Variants in INPP4B observed in about 807,000 individuals in gnomAD.
INPP4B encodes inositol polyphosphate 4-phosphatase type II.
Under a neutral mutation model 122.5 loss-of-function variants are expected in INPP4B, and 55 were observed. The observed-to-expected ratio is 0.45, with a 90% confidence interval of 0.36 to 0.56. INPP4B has a LOEUF of 0.56. Among genes scored for constraint, INPP4B ranks in the 20% least tolerant of loss-of-function variants. The probability of loss-of-function intolerance (pLI) is 0.00; values close to 1 mark genes in which losing one functional copy is unlikely to be tolerated. For synonymous variants in INPP4B, 403 were observed against 388.7 expected (o/e 1.04, Z -0.43); for missense variants, 1,000 against 1,097.7 (o/e 0.91, Z 1.26).
In INPP4B at chr4:142,185,736, G is replaced by A. The variant is rs565590043; in HGVS notation, c.1181+7351C>T. ...CTACTAAAAATACAAAAAATTAGCC[G>A]CGCGTGGTGGCAGGTGCCTGTAGTC... On this transcript the variant is annotated intron_variant, in intron 15 of 25. Coordinates refer to ENST00000262992, the MANE Select transcript of INPP4B (RefSeq NM_001101669.3). Among the ~76,000 whole-genome samples, 9 of 151,656 alleles carry A rather than the reference G, an allele frequency of 5.9e-5. No homozygotes were observed. The East Asian group carries it at 1.2e-3, about 20-fold the overall frequency.
chr4:142,533,467 A>T (rs887756276), intron 2 of INPP4B, among the ~76,000 whole-genome samples: 3 of 151,168 alleles, frequency 2.0e-5, no homozygotes, highest in Non-Finnish European at 3.0e-5. Flanking sequence ...AAAAATATTT[A>T]TTTTTTTTTT....
chr4:142,315,142 T>C (rs1427690916), intron 7 of INPP4B, among the ~76,000 whole-genome samples: 1 of 152,134 alleles, frequency 6.6e-6, no homozygotes, highest in Admixed American at 6.5e-5. Flanking sequence ...AAATGATAAA[T>C]GTTTGAAATT....
intron 18 of INPP4B, among the ~76,000 whole-genome samples, chr4:142,144,930 AAAAG>A (rs1217199164): frequency 4.6e-5 from 7 of 152,024 alleles, no homozygotes; most frequent in African/African-American, 1.4e-4. Context: ...TTTTTAAAGT[AAAAG>A]AAAGAACAGA....
At chr4:142,230,829 A>G (rs1854016189) in intron 12 of INPP4B, among the ~76,000 whole-genome samples, 2 of 152,180 alleles carry the variant, frequency 1.3e-5, no homozygotes, top group Non-Finnish European at 2.9e-5. Context: ...TGGCTGCAGG[A>G]GCAAAGAATC....
At chr4:142,424,971 C>A (rs1303102257) in intron 5 of INPP4B, among the ~76,000 whole-genome samples, 1 of 151,816 alleles carries the variant, frequency 6.6e-6, no homozygotes, top group African/African-American at 2.4e-5. Context: ...TTAGAGAAAA[C>A]CAAGAAATAA....
At chr4:142,528,087 A>G (rs938835534) in intron 2 of INPP4B, among the ~76,000 whole-genome samples, 2 of 152,044 alleles carry the variant, frequency 1.3e-5, no homozygotes, top group African/African-American at 4.8e-5. Context: ...GCCCTTAAAC[A>G]CACATTTTAC....
intron 25 of INPP4B, among the ~76,000 whole-genome samples, chr4:142,053,035 C>T (rs138980929): frequency 6.6e-6 from 1 of 152,136 alleles, no homozygotes; most frequent in East Asian, 1.9e-4. Context: ...CAGTGACATT[C>T]AAGCATAGAC....
At chr4:142,119,716 G>A (rs142324537) in intron 21 of INPP4B, among the ~76,000 whole-genome samples, 1,582 of 151,270 alleles carry the variant, frequency 0.01, 30 homozygotes, top group African/African-American at 0.037. Context: ...TTATGGGTGC[G>A]GCACACCAAC....
intron 3 of INPP4B, among the ~76,000 whole-genome samples, chr4:142,438,766 C>T (rs1022597038): frequency 2.6e-5 from 4 of 152,102 alleles, no homozygotes; most frequent in Non-Finnish European, 5.9e-5. Context: ...GAATAGGCAA[C>T]CTACAGAATG....
chr4:142,262,034 A>G (rs1299721350), intron 10 of INPP4B, among the ~76,000 whole-genome samples: 1 of 152,198 alleles, frequency 6.6e-6, no homozygotes, highest in East Asian at 1.9e-4. Context: ...TTGGAAATGC[A>G]CTTCCTAAAT....
At position 142,442,351 on chromosome 4, in the gene INPP4B, G is replaced by T. The variant is rs536039761; in HGVS notation, c.-126-10966C>A. On this transcript the variant is annotated intron_variant, in intron 3 of 25. Coordinates refer to ENST00000262992, the MANE Select transcript of INPP4B (RefSeq NM_001101669.3). ...TGCTTGAACCCGGGAGGCGGAGGTT[G>T]CAGTGAGCCAAGATCATGCCACTGC... Among the ~76,000 whole-genome samples the T allele has an allele frequency of 2.3e-4, 33 of 142,228 alleles. No individual in the cohort carries two copies. The South Asian group carries it at 5.6e-3, about 24-fold the overall frequency. 93.3% of individuals were successfully genotyped at this position (142,228 alleles called of 152,430 possible).
chr4:142,556,211 G>A (rs1318845994), intron 2 of INPP4B, among the ~76,000 whole-genome samples: 1 of 152,146 alleles, frequency 6.6e-6, no homozygotes, highest in Non-Finnish European at 1.5e-5. Context: ...TCCTGAGCAT[G>A]AGTCACATGA....
At chr4:142,234,836 C>T (rs1424601864) in intron 12 of INPP4B, among the ~76,000 whole-genome samples, 1 of 152,096 alleles carries the variant, frequency 6.6e-6, no homozygotes, top group Non-Finnish European at 1.5e-5. Flanking sequence ...CCAAAAGTGC[C>T]CACCAGCCCC....
At chr4:142,248,581 T>A (rs1730237663) in intron 11 of INPP4B, among the ~76,000 whole-genome samples, 2 of 151,854 alleles carry the variant, frequency 1.3e-5, no homozygotes, top group Admixed American at 1.3e-4. Flanking sequence ...CCAGGTGACC[T>A]GTCCACTTCA....
At chr4:142,331,283 C>A (rs940330977) in intron 7 of INPP4B, among the ~76,000 whole-genome samples, 1 of 152,132 alleles carries the variant, frequency 6.6e-6, no homozygotes, top group African/African-American at 2.4e-5. Flanking sequence ...TCGCTGACCA[C>A]AGAATTGGAA....
At chr4:142,762,684 T>C (rs1006112176) in intron 1 of INPP4B, among the ~76,000 whole-genome samples, 2 of 152,158 alleles carry the variant, frequency 1.3e-5, no homozygotes, top group Admixed American at 1.3e-4. Context: ...GTAGAAAGCA[T>C]TCTATATGTG....
intron 2 of INPP4B, among the ~76,000 whole-genome samples, chr4:142,683,967 A>G (rs1286149361): frequency 6.6e-6 from 1 of 151,940 alleles, no homozygotes; most frequent in Non-Finnish European, 1.5e-5. Context: ...TTTCGGGCAA[A>G]CATACAAAGG....
chr4:142,094,004 T>C (rs1032544860), intron 23 of INPP4B, among the ~76,000 whole-genome samples: 1 of 152,202 alleles, frequency 6.6e-6, no homozygotes, highest in Non-Finnish European at 1.5e-5. Context: ...TGGAATATGG[T>C]GTTCAGGGAG....
At chr4:142,282,857 G>C (rs1210056773) in intron 9 of INPP4B, among the ~76,000 whole-genome samples, 2 of 152,052 alleles carry the variant, frequency 1.3e-5, no homozygotes, top group African/African-American at 4.8e-5. Flanking sequence ...AGCTGCACCA[G>C]GGGCTGAGAA....
Sources: gnomAD v4.1 joint callset for allele counts (sites outside exome capture counted in the v4.1 genomes callset) on GRCh38, gnomAD v4.1.1 for gene constraint, MANE v1.5 for transcripts, NCBI Gene and HGNC (gene_info 2026-07-23, HGNC 2026-07-21) for gene names.